Variants in PTPN23 observed in about 807,000 individuals in gnomAD.
The protein encoded by PTPN23 is protein tyrosine phosphatase non-receptor type 23.
In PTPN23, 72 loss-of-function variants were observed where a neutral mutation model predicts 156.3. The ratio of observed to expected loss-of-function variants is 0.46; its 90% CI spans 0.38 to 0.56. The LOEUF (loss-of-function observed/expected upper bound fraction) is 0.56. PTPN23 is among the 20% of genes least tolerant of loss of function. The pLI is 0.00. For missense variants in PTPN23, 1,974 were observed against 2,171.5 expected, an observed-to-expected ratio of 0.91 and a Z score of 1.81; for synonymous variants, 957 against 899.6, an observed-to-expected ratio of 1.06 and a Z score of -1.14.
intron 1 of PTPN23, among the ~76,000 whole-genome samples, chr3:47,386,823 A>G (rs1704663679): frequency 6.6e-6 from 1 of 152,172 alleles, no homozygotes; most frequent in Non-Finnish European, 1.5e-5. Context: ...GGCACAGATG[A>G]CCTGGATTGT....
chr3:47,409,188 A>G lies in PTPN23; in HGVS notation c.1668A>G (p.Leu556=). ...AGGACAAGGCCGTGCTGCAAAACCT[A>G]AAGCGCATCCTGGCTAAGGTGCAGG... ...SPEDKAVLQN[L]KRILAKVQEM... is the part of the protein sequence containing the mutation. Residue 556 remains leucine, a synonymous_variant, in exon 17 of 25, where the codon CTA becomes CTG. Transcript: ENST00000265562. 5 of 1,614,124 alleles carry G rather than the reference A, an allele frequency of 3.1e-6. No homozygotes were observed. The highest frequency in any genetic ancestry group is 3.4e-6 in the Non-Finnish European group (4 of 1,180,006).
Position 47,408,337 on chromosome 3 carries a change from C to T in PTPN23, c.1185-8C>T. ...CCAGCACCCACCTGGCCCTGTTGCT[C>T]CCCACAGCCAGTTCATGGATTCAAT... is the stretch of plus-strand genomic sequence containing the variant. On this transcript the variant is annotated splice_region_variant and splice_polypyrimidine_tract_variant and intron_variant, in intron 14 of 24. Coordinates refer to ENST00000265562, the MANE Select transcript of PTPN23 (RefSeq NM_015466.4). 2 of 1,612,590 alleles carry T rather than the reference C, an allele frequency of 1.2e-6. No homozygotes were observed. The highest frequency in any genetic ancestry group is 1.1e-5 in the South Asian group (1 of 90,874).
In PTPN23 at chr3:47,410,829, C is replaced by T. The variant is rs1482958801; in HGVS notation, c.3031C>T (p.Pro1011Ser). ...APQPGVLGQPPPPLHTQLYPG... is the reference protein window; with the variant it reads ...APQPGVLGQPSPPLHTQLYPG... ...TCAGCCTGGGGTCCTGGGGCAGCCGCCACCCCCCCTACACACCCAGCTCTA... is the reference window on the plus strand; with the variant it reads ...TCAGCCTGGGGTCCTGGGGCAGCCGTCACCCCCCCTACACACCCAGCTCTA... The change falls in exon 20 of 25, where the codon CCA (proline) becomes TCA (serine). Residue 1011 changes from proline (P) to serine (S), a missense_variant. This residue lies in a region of PTPN23 where 731 missense variants were observed against 669.1 expected (regional missense o/e 1.09). Transcript: ENST00000265562. 1 of 1,601,986 alleles carries T rather than the reference C, an allele frequency of 6.2e-7. No homozygotes were observed.
Position 47,405,412 on chromosome 3 carries a change from GGCTGGCCTCAGCTTACCCT to G in PTPN23, c.365-333_365-315del. 3.7e-6 allele frequency: 2 copies of G among 533,436 alleles called. No homozygotes were observed. Among genetic ancestry groups the G allele is most frequent in the Non-Finnish European group, 6.7e-6 (2 of 296,670 alleles). 33.0% of individuals were successfully genotyped at this position (533,436 alleles called of 1,614,324 possible). A position where few individuals can be genotyped will look rare whatever the true frequency, so the allele number is the denominator to read the frequency against. On this transcript the variant is annotated intron_variant, in intron 4 of 24. Transcript: ENST00000265562. The surrounding 1 kb of genome is among the most constrained non-coding windows in gnomAD (Gnocchi z 4.7). ...GCTGCTTCAGGCAGGAGGAGAGTGT[GGCTGGCCTCAGCTTACCCT>G]GCTAGTCAGCCTTAGCCTGGCTCAA...
In PTPN23 at chr3:47,381,183, G is replaced by C; in HGVS notation, c.84+3G>C. ...ACTTCCAGCCAGCTGTGAAGAAGGT[G>C]AGCTTGCCTTCCATCTTCCCCCCTA... On this transcript the variant is annotated splice_donor_region_variant and intron_variant, in intron 1 of 24. Transcript: ENST00000265562. 6.3e-7 allele frequency: 1 copy of C among 1,579,784 alleles called. No homozygotes were observed.
chr3:47,408,563 G>C (rs1576227680), intron 15 of PTPN23, 73 bp downstream of exon 15: 1 of 1,547,164 alleles, frequency 6.5e-7, no homozygotes, highest in East Asian at 2.3e-5. Flanking sequence ...CCGTGTCCCT[G>C]GTCACTGAGG....
At chr3:47,403,354 ATTCTT>A (rs1335309535) in intron 2 of PTPN23, among the ~76,000 whole-genome samples, 9 of 150,530 alleles carry the variant, frequency 6.0e-5, no homozygotes, top group Admixed American at 4.0e-4. Context: ...ACCTGGCCAC[ATTCTT>A]TTCTTTTTTT....
In PTPN23 at chr3:47,410,928, C is replaced by T. The variant is rs1705268450; in HGVS notation, c.3130C>T (p.Pro1044Ser). 5 of 1,610,530 alleles carry T rather than the reference C, an allele frequency of 3.1e-6. No homozygotes were observed. The highest frequency in any genetic ancestry group is 1.1e-5 in the South Asian group (1 of 90,986). Residue 1044 changes from proline (P) to serine (S), a missense_variant, in exon 20 of 25, where the codon CCT becomes TCT. Coordinates refer to ENST00000265562, the MANE Select transcript of PTPN23 (RefSeq NM_015466.4). The stretch of plus-strand genomic sequence containing the variant: ...TTTCCCCAGCCCTGGGCCCCCTCAG[C>T]CTCCCCATCCCCCACTGGCATATGG... ...LPFPSPGPPQ[P>S]PHPPLAYGPA...
Position 47,406,738 on chromosome 3 carries a change from G to A in PTPN23, c.795G>A (p.Lys265=). The change falls in exon 9 of 25, where the codon AAG becomes AAA. Residue 265 remains lysine, a synonymous_variant. Coordinates refer to ENST00000265562, the MANE Select transcript of PTPN23 (RefSeq NM_015466.4). This position sits in a 1 kb window ranked among gnomAD's most constrained non-coding sequence, Gnocchi z 5.8. ...HMGKQAEEQQ[K]FGERVAYFQS... ...GAAAGCAGGCCGAGGAGCAGCAGAAGTTCGGGGAGCGGGTGAGCTACAGCG... is the reference window on the plus strand; with the variant it reads ...GAAAGCAGGCCGAGGAGCAGCAGAAATTCGGGGAGCGGGTGAGCTACAGCG... 6.2e-7 allele frequency: 1 copy of A among 1,613,822 alleles called. No individual in the cohort carries two copies. Among genetic ancestry groups the A allele is most frequent in the Non-Finnish European group, 8.5e-7 (1 of 1,179,972 alleles).
At chr3:47,408,015 G>T in intron 14 of PTPN23, 60 bp downstream of exon 14, 1 of 1,566,740 alleles carries the variant, frequency 6.4e-7, no homozygotes. Flanking sequence ...GCCTCTGGGG[G>T]CCCCAGGGCT....
intron 1 of PTPN23, among the ~76,000 whole-genome samples, chr3:47,388,380 T>C (rs1202912735): frequency 6.6e-6 from 1 of 150,752 alleles, no homozygotes; most frequent in Non-Finnish European, 1.5e-5. Context: ...ATTTTGCTTA[T>C]TTTTTTTTAG....
rs531405498 is a variant in PTPN23 at position 47,413,319 on chromosome 3, C to T, written c.*134C>T. 246 of 1,274,888 alleles carry T rather than the reference C, an allele frequency of 1.9e-4. 1 individual carries two copies. In the African/African-American group the frequency reaches 3.4e-3, roughly 18 times the overall value. The allele number at this position is 1,274,888 out of a possible 1,614,324, so 79.0% of individuals were successfully genotyped here. On this transcript the variant is annotated 3_prime_UTR_variant, in exon 25 of 25. Transcript: ENST00000265562. ...CTGCCTTTGGCCCTGCCTGGCCCAG[C>T]CTGCACCCCTGTGGGGTGGAAATGT... is the stretch of plus-strand genomic sequence containing the variant.
chr3:47,393,070 A>T (rs1477785922), intron 1 of PTPN23, among the ~76,000 whole-genome samples: 1 of 152,132 alleles, frequency 6.6e-6, no homozygotes, highest in Non-Finnish European at 1.5e-5. Flanking sequence ...TCTTGGGGTC[A>T]AGTGATCCTC....
Position 47,409,994 on chromosome 3 carries a change from G to A in PTPN23, c.2196G>A (p.Glu732=). The A allele has an allele frequency of 6.2e-7, 1 of 1,602,864 alleles. No individual in the cohort carries two copies. The highest frequency in any genetic ancestry group is 2.2e-5 in the East Asian group (1 of 44,740). Residue 732 remains glutamate, a synonymous_variant, in exon 20 of 25, where the codon GAG becomes GAA. Coordinates refer to ENST00000265562, the MANE Select transcript of PTPN23 (RefSeq NM_015466.4). Reference sequence around the variant, plus strand: ...AGCCGCTGCTGCCCCGCAGGGAGGAGAGTGAGGCAGTGGAAGCAGGAGACC... The same window carrying A: ...AGCCGCTGCTGCCCCGCAGGGAGGAAAGTGAGGCAGTGGAAGCAGGAGACC... ...APKPLLPRRE[E]SEAVEAGDPP...
intron 2 of PTPN23, among the ~76,000 whole-genome samples, chr3:47,400,995 C>T (rs772367084): frequency 6.6e-6 from 1 of 150,480 alleles, no homozygotes; most frequent in African/African-American, 2.5e-5. Context: ...CTCCGCCTCC[C>T]GGGTTCACGC....
At position 47,411,662 on chromosome 3, in the gene PTPN23, G is replaced by T. The variant is rs767789814; in HGVS notation, c.3864G>T (p.Leu1288=). The part of the protein sequence containing the change: ...HEQKVSVIVM[L]VSEAEMEKQK... ...AGAAAGTGTCAGTCATTGTCATGCT[G>T]GTTTCTGAGGCTGAGATGGAGAAGG... The change falls in exon 20 of 25, where the codon CTG becomes CTT. Residue 1288 remains leucine, a synonymous_variant. Coordinates refer to ENST00000265562, the MANE Select transcript of PTPN23 (RefSeq NM_015466.4). This position sits in a 1 kb window ranked among gnomAD's most constrained non-coding sequence, Gnocchi z 6.3. The T allele has an allele frequency of 6.2e-7, 1 of 1,604,832 alleles. No individual in the cohort carries two copies. Among genetic ancestry groups the T allele is most frequent in the Admixed American group, 1.7e-5 (1 of 59,878 alleles).
In PTPN23 at chr3:47,410,443, C is replaced by T; in HGVS notation, c.2645C>T (p.Thr882Ile). 2.5e-6 allele frequency: 4 copies of T among 1,611,796 alleles called. No homozygotes were observed. The highest frequency in any genetic ancestry group is 3.4e-6 in the Non-Finnish European group (4 of 1,179,442). Reference sequence around the variant, plus strand: ...GCCATGGCGGTTCGGCCAGCCACCACCACAGTAGATAGCATCCAGGCGCCC... The same window carrying T: ...GCCATGGCGGTTCGGCCAGCCACCATCACAGTAGATAGCATCCAGGCGCCC... ...ELAMAVRPAT[T>I]TVDSIQAPIP... Residue 882 changes from threonine to isoleucine, a missense_variant, in exon 20 of 25, where the codon ACC becomes ATC. Thr to Ile is a moderately conservative substitution (Grantham distance 89). Transcript: ENST00000265562.
At chr3:47,397,750 AC>A (rs1704908660) in intron 2 of PTPN23, among the ~76,000 whole-genome samples, 1 of 152,042 alleles carries the variant, frequency 6.6e-6, no homozygotes, top group South Asian at 2.1e-4. Context: ...GCTCACTGCA[AC>A]CTCTACCTCC....
In PTPN23 at chr3:47,411,429, A is replaced by C. The variant is rs1467504100; in HGVS notation, c.3631A>C (p.Ile1211Leu). 1 of 1,613,002 alleles carries C rather than the reference A, an allele frequency of 6.2e-7. No individual in the cohort carries two copies. The highest frequency in any genetic ancestry group is 1.3e-5 in the African/African-American group (1 of 74,928). Reference protein sequence around the residue: ...AQEHDARGRSIAIARCYSLKN... With the variant: ...AQEHDARGRSLAIARCYSLKN... ...GGAACATGATGCCCGAGGCCGTTCC[A>C]TCGCCATTGCCCGCTGCTACTCACT... The change falls in exon 20 of 25, where the codon ATC (isoleucine) becomes CTC (leucine). Residue 1211 changes from isoleucine to leucine, a missense_variant. Physicochemically the swap from Ile to Leu is conservative, Grantham distance 5. Coordinates refer to ENST00000265562, the MANE Select transcript of PTPN23 (RefSeq NM_015466.4). The surrounding 1 kb of genome is among the most constrained non-coding windows in gnomAD (Gnocchi z 6.3).
Sources: gnomAD v4.1 joint callset for allele counts (sites outside exome capture counted in the v4.1 genomes callset) on GRCh38, gnomAD v4.1.1 for gene constraint, gnomAD v4.1.1 regional missense constraint, Gnocchi (gnomAD v3.1) non-coding constraint, MANE v1.5 for transcripts, NCBI Gene and HGNC (gene_info 2026-07-23, HGNC 2026-07-21) for gene names.